Variants in BRWD1 observed in about 807,000 individuals in gnomAD.
BRWD1 encodes the protein bromodomain and WD repeat-containing protein 1.
In BRWD1, 82 loss-of-function variants were observed where a neutral mutation model predicts 251.2. The observed-to-expected ratio is 0.33, with a 90% CI of 0.27 to 0.39. The LOEUF is 0.39. Among genes scored for constraint, BRWD1 ranks in the 10% least tolerant of loss-of-function variants. The pLI is 1.00. For missense variants in BRWD1, 2,233 were observed against 2,711.6 expected (o/e 0.82, Z 3.92); for synonymous variants, 918 against 902.8 (o/e 1.02, Z -0.30).
intron 4 of BRWD1, among the ~76,000 whole-genome samples, chr21:39,303,944 C>T (rs2036201859): frequency 6.6e-6 from 1 of 150,998 alleles, no homozygotes; most frequent in Non-Finnish European, 1.5e-5. Flanking sequence ...CAGCTCTAGA[C>T]CAGCCTGGCC....
chr21:39,267,247 T>C lies in BRWD1; in HGVS notation c.1531-2228A>G, dbSNP rs114475152. Among the ~76,000 whole-genome samples, 705 of 150,140 alleles carry C rather than the reference T, an allele frequency of 4.7e-3. 9 individuals carry two copies. Among genetic ancestry groups the C allele is most frequent in the African/African-American group, 0.017 (683 of 39,558 alleles). ...AATCAAAGGTCTAAGAACCTGAGAA[T>C]CAAAGGTCTAAGAATGCATCAGCAT... On this transcript the variant is annotated intron_variant, in intron 15 of 40. Coordinates refer to ENST00000342449, the MANE Select transcript of BRWD1 (RefSeq NM_033656.4).
chr21:39,234,178 TA>T (rs1359110143), intron 23 of BRWD1, among the ~76,000 whole-genome samples: 1 of 152,204 alleles, frequency 6.6e-6, no homozygotes, highest in Non-Finnish European at 1.5e-5. Context: ...TATGATATAT[TA>T]ATACCAGATC....
At chr21:39,212,728 C>A (rs1443040218) in intron 33 of BRWD1, 21 bp from the exon 34 acceptor site, 1 of 1,517,346 alleles carries the variant, frequency 6.6e-7, no homozygotes, top group East Asian at 2.3e-5. Context: ...AATCAGAGCA[C>A]CTTAAGTATT....
chr21:39,247,871 T>C, intron 20 of BRWD1, 39 bp from the exon 21 acceptor site: 2 of 1,555,326 alleles, frequency 1.3e-6, no homozygotes, highest in South Asian at 1.2e-5. Context: ...AATCAACACC[T>C]AAATAAGGAC....
At chr21:39,308,319 T>C (rs1391783348) in intron 4 of BRWD1, among the ~76,000 whole-genome samples, 1 of 151,796 alleles carries the variant, frequency 6.6e-6, no homozygotes, top group Non-Finnish European at 1.5e-5. Context: ...CCGTCTCTAC[T>C]AAAAACACAA....
chr21:39,255,773 A>G lies in BRWD1; in HGVS notation c.2127T>C (p.Arg709=). 6.2e-7 allele frequency: 1 copy of G among 1,614,158 alleles called. No homozygotes were observed. Among genetic ancestry groups the G allele is most frequent in the Non-Finnish European group, 8.5e-7 (1 of 1,180,012 alleles). The change falls in exon 19 of 41, where the codon CGT becomes CGC. Residue 709 remains arginine, a synonymous_variant. Coordinates refer to ENST00000342449, the MANE Select transcript of BRWD1 (RefSeq NM_033656.4). ...GACGAACACCTTCAACTTGTCCACT[A>G]CGACGCAGACCAATATTTGGAGGGG... is the stretch of plus-strand genomic sequence containing the variant. ...IQSPPNIGLR[R]SGQVEGVRQM...
chr21:39,187,841 A>G lies in BRWD1; in HGVS notation c.*8418T>C, dbSNP rs1214117328. ...ACACAGAGTTGCTTTAAGGAACCAA[A>G]AAGTGCAGAGTGCTATGAGAACACA... On this transcript the variant is annotated 3_prime_UTR_variant, in exon 41 of 41. Transcript: ENST00000342449. 1 of 985,260 alleles carries G rather than the reference A, an allele frequency of 1.0e-6. No homozygotes were observed. 61.0% of individuals were successfully genotyped at this position (985,260 alleles called of 1,614,324 possible). A position where few individuals can be genotyped will look rare whatever the true frequency, so the allele number is the denominator to read the frequency against.
chr21:39,213,771 G>T (rs1368366391), intron 32 of BRWD1, among the ~76,000 whole-genome samples: 6 of 152,042 alleles, frequency 3.9e-5, no homozygotes, highest in Non-Finnish European at 8.8e-5. Flanking sequence ...CGTTAAGTAT[G>T]TATCCAAATT....
At chr21:39,298,942 G>A (rs2036031557) in intron 4 of BRWD1, among the ~76,000 whole-genome samples, 1 of 152,104 alleles carries the variant, frequency 6.6e-6, no homozygotes, top group Non-Finnish European at 1.5e-5. Context: ...GCACTAACTG[G>A]GCCAGGGATG....
chr21:39,252,518 A>C (rs977978564), intron 19 of BRWD1, among the ~76,000 whole-genome samples: 2 of 152,216 alleles, frequency 1.3e-5, no homozygotes. Context: ...TACAGTTATG[A>C]AAAATTCACC....
intron 21 of BRWD1, among the ~76,000 whole-genome samples, chr21:39,241,473 T>TAAAAAAAAAAAAAAAAAAAAAAA (rs61488970): frequency 8.9e-5 from 4 of 44,918 alleles, no homozygotes; most frequent in East Asian, 1.6e-3. Flanking sequence ...ATCTCCAAAG[T>TAAAAAAAAAAAAAAAAAAAAAAA]AAAAAAAAAA....
At chr21:39,232,318 A>G (rs754533558) in intron 24 of BRWD1, 34 bp from the exon 25 acceptor site, 4 of 1,606,242 alleles carry the variant, frequency 2.5e-6, no homozygotes, top group East Asian at 4.5e-5. Flanking sequence ...AAAAATTAAG[A>G]GCAATATAAA....
At position 39,191,472 on chromosome 21, in the gene BRWD1, G is replaced by C; in HGVS notation, c.*4787C>G. 1 of 980,570 alleles carries C rather than the reference G, an allele frequency of 1.0e-6. No individual in the cohort carries two copies. The highest frequency in any genetic ancestry group is 1.2e-6 in the Non-Finnish European group (1 of 825,660). 60.7% of individuals were successfully genotyped at this position (980,570 alleles called of 1,614,324 possible). ...ATTTATTATATCCCATTTAAGAACTGACAAAAATCATCTAAATGAATAGAT... is the reference window on the plus strand; with the variant it reads ...ATTTATTATATCCCATTTAAGAACTCACAAAAATCATCTAAATGAATAGAT... On this transcript the variant is annotated 3_prime_UTR_variant, in exon 41 of 41. Coordinates refer to ENST00000342449, the MANE Select transcript of BRWD1 (RefSeq NM_033656.4).
chr21:39,230,952 G>C (rs2033590799), intron 25 of BRWD1, among the ~76,000 whole-genome samples: 1 of 152,050 alleles, frequency 6.6e-6, no homozygotes, highest in South Asian at 2.1e-4. Flanking sequence ...TACAAATAAA[G>C]CAAGTACGCA....
intron 17 of BRWD1, among the ~76,000 whole-genome samples, chr21:39,261,783 G>T (rs1332126335): frequency 1.3e-5 from 2 of 150,162 alleles, no homozygotes; most frequent in Non-Finnish European, 3.0e-5. Flanking sequence ...AAAAAAAAAA[G>T]AAAAAGGAAA....
rs774351536 is a variant in BRWD1 at position 39,196,363 on chromosome 21, T to C, written c.6706A>G (p.Lys2236Glu). The C allele has an allele frequency of 2.5e-6, 4 of 1,613,740 alleles. No homozygotes were observed. Among genetic ancestry groups the C allele is most frequent in the Non-Finnish European group, 3.4e-6 (4 of 1,179,724 alleles). Residue 2236 changes from lysine to glutamate, a missense_variant, in exon 41 of 41, where the codon AAA becomes GAA. Coordinates refer to ENST00000342449, the MANE Select transcript of BRWD1 (RefSeq NM_033656.4). Reference sequence around the variant, plus strand: ...CTACCCTGATTTCTCGTTTTTATTTTTGAACGTCGAAGAACTCTTTTAGAT... The same window carrying C: ...CTACCCTGATTTCTCGTTTTTATTTCTGAACGTCGAAGAACTCTTTTAGAT... ...AKSKRVLRRS[K>E]IKTRNQGRRT...
At chr21:39,257,420 T>C (rs1314375629) in intron 18 of BRWD1, among the ~76,000 whole-genome samples, 2 of 152,094 alleles carry the variant, frequency 1.3e-5, no homozygotes, top group Non-Finnish European at 2.9e-5. Flanking sequence ...CAAATCTAAA[T>C]TGAGAGAAAT....
chr21:39,297,678 G>T (rs2035996075), intron 5 of BRWD1: 1 of 259,354 alleles, frequency 3.9e-6, no homozygotes, highest in Non-Finnish European at 6.0e-6. Flanking sequence ...AGGGAGGGGT[G>T]TTCTTTCTCA....
At chr21:39,292,356 G>GT (rs1401644639) in intron 8 of BRWD1, among the ~76,000 whole-genome samples, 1 of 152,178 alleles carries the variant, frequency 6.6e-6, no homozygotes, top group African/African-American at 2.4e-5. Context: ...CCGTGCACTA[G>GT]TAAGAGTAAC....
Sources: allele counts gnomAD v4.1 joint callset (sites outside exome capture counted in the v4.1 genomes callset), GRCh38; gene constraint gnomAD v4.1.1; transcripts MANE v1.5; gene names NCBI Gene and HGNC (gene_info 2026-07-23, HGNC 2026-07-21).